Variants in CMTM8 observed in about 807,000 individuals in gnomAD.
CMTM8 encodes CKLF-like MARVEL transmembrane domain-containing protein 8.
Under a neutral mutation model 18.6 loss-of-function variants are expected in CMTM8, and 12 were observed. The observed-to-expected ratio is 0.65, with a 90% CI of 0.41 to 1.05. CMTM8 has a LOEUF of 1.05. Among genes scored for constraint, CMTM8 ranks in the 50% least tolerant of loss-of-function variants. CMTM8 has a pLI of 0.00. For missense variants in CMTM8, 217 were observed against 227.2 expected, an observed-to-expected ratio of 0.95 and a Z score of 0.29; for synonymous variants, 87 against 90.6, an observed-to-expected ratio of 0.96 and a Z score of 0.23.
chr3:32,313,981 G>A (rs569174595), intron 1 of CMTM8, among the ~76,000 whole-genome samples: 5 of 152,158 alleles, frequency 3.3e-5, no homozygotes, highest in Admixed American at 6.5e-5. Flanking sequence ...GTGACAGAGC[G>A]AGACCCTGTC....
chr3:32,298,825 A>G (rs536822585), intron 1 of CMTM8, among the ~76,000 whole-genome samples: 265 of 90,226 alleles, frequency 2.9e-3, no homozygotes, highest in African/African-American at 0.011. Context: ...ACACGTGTGT[A>G]TGTGTATATA....
At chr3:32,277,348 C>A (rs1702535622) in intron 1 of CMTM8, among the ~76,000 whole-genome samples, 1 of 152,098 alleles carries the variant, frequency 6.6e-6, no homozygotes, top group African/African-American at 2.4e-5. Flanking sequence ...GAGGTTTTGT[C>A]TGTCCATTTT....
chr3:32,268,246 A>G (rs1261741493), intron 1 of CMTM8, among the ~76,000 whole-genome samples: 4 of 152,338 alleles, frequency 2.6e-5, no homozygotes, highest in Admixed American at 6.5e-5. Context: ...CATATACACC[A>G]TGGAATACTA....
intron 1 of CMTM8, among the ~76,000 whole-genome samples, chr3:32,297,138 C>G (rs1702894409): frequency 6.6e-6 from 1 of 152,080 alleles, no homozygotes; most frequent in South Asian, 2.1e-4. Context: ...ATTTCCTCAC[C>G]TTGAATGTAC....
chr3:32,362,057 TGGAGATGGAGTCTTAC>T (rs1559390391), intron 2 of CMTM8, among the ~76,000 whole-genome samples: 7 of 148,978 alleles, frequency 4.7e-5, no homozygotes, highest in African/African-American at 4.9e-5. Flanking sequence ...TTTTTTTTTT[TGGAGATGGAGTCTTAC>T]TTTATTGCCC....
intron 1 of CMTM8, among the ~76,000 whole-genome samples, chr3:32,257,123 A>G (rs1702184235): frequency 1.3e-5 from 2 of 152,172 alleles, no homozygotes; most frequent in Non-Finnish European, 2.9e-5. Flanking sequence ...GATTACAGGC[A>G]TGGCCACTAT....
intron 1 of CMTM8, among the ~76,000 whole-genome samples, chr3:32,336,040 G>A (rs939176117): frequency 7.9e-5 from 12 of 152,208 alleles, no homozygotes; most frequent in South Asian, 2.1e-4. Context: ...TCTCACACCC[G>A]CCAGCACTGG....
chr3:32,270,922 C>T (rs1255587828), intron 1 of CMTM8, among the ~76,000 whole-genome samples: 1 of 152,070 alleles, frequency 6.6e-6, no homozygotes, highest in Admixed American at 6.6e-5. Context: ...TCCTTAAATG[C>T]TCTCTTAGAC....
intron 1 of CMTM8, among the ~76,000 whole-genome samples, chr3:32,353,190 T>C (rs1696747978): frequency 6.6e-6 from 1 of 152,124 alleles, no homozygotes; most frequent in South Asian, 2.1e-4. Flanking sequence ...GATGGGGTTT[T>C]ACCATGTTAG....
intron 2 of CMTM8, among the ~76,000 whole-genome samples, chr3:32,361,291 T>TTTTTTGTTTTTTTTTTTGTTTG (rs1314833356): frequency 6.7e-6 from 1 of 148,538 alleles, no homozygotes; most frequent in African/African-American, 2.5e-5. Flanking sequence ...TAAGAGTTTT[T>TTTTTTGTTTTTTTTTTTGTTTG]TTTTCTTTCA....
At chr3:32,255,575 GTAAT>G (rs1373179215) in intron 1 of CMTM8, among the ~76,000 whole-genome samples, 3 of 152,080 alleles carry the variant, frequency 2.0e-5, no homozygotes, top group Non-Finnish European at 2.9e-5. Flanking sequence ...ACCTTTTTGA[GTAAT>G]TATTTTAGAA....
rs1374639403 is a variant in CMTM8, at chr3:32,362,054, T to TTTTTTTTTTTTG, written c.321+4511_321+4512insTTTTTTTTGTTT. Among the ~76,000 whole-genome samples the TTTTTTTTTTTTG allele has an allele frequency of 4.1e-5, 6 of 147,108 alleles. No individual in the cohort carries two copies. In the Admixed American group the frequency reaches 4.1e-4, roughly 10 times the overall value. ...AGCTACTATTTTCTTTTCTTTTTTT[T>TTTTTTTTTTTTG]TTTGGAGATGGAGTCTTACTTTATT... On this transcript the variant is annotated intron_variant, in intron 2 of 3. Coordinates refer to ENST00000307526, the MANE Select transcript of CMTM8 (RefSeq NM_178868.5).
At chr3:32,365,351 G>T (rs1697012879) in intron 2 of CMTM8, among the ~76,000 whole-genome samples, 1 of 151,750 alleles carries the variant, frequency 6.6e-6, no homozygotes, top group African/African-American at 2.4e-5. Flanking sequence ...AGGAGGGATT[G>T]ACTTTCAGAA....
chr3:32,346,699 C>G (rs1009777537), intron 1 of CMTM8, among the ~76,000 whole-genome samples: 1 of 152,130 alleles, frequency 6.6e-6, no homozygotes, highest in African/African-American at 2.4e-5. Flanking sequence ...AAAGGCCCTA[C>G]GTCCTGATAC....
rs1400148634 is a variant in CMTM8, at chr3:32,295,455, C to CAAAAAAAAAAA, written c.147+56349_147+56359dup. Among the ~76,000 whole-genome samples the CAAAAAAAAAAA allele has an allele frequency of 3.3e-4, 9 of 27,520 alleles. 1 individual carries two copies. The highest frequency in any genetic ancestry group is 9.4e-4 in the African/African-American group (7 of 7,480). The allele number at this position is 27,520 out of a possible 152,430, so 18.1% of individuals were successfully genotyped here. A position where few individuals can be genotyped will look rare whatever the true frequency, so the allele number is the denominator to read the frequency against. The stretch of plus-strand genomic sequence containing the variant: ...TGGGCAATAAAGCGAGACTCCATCT[C>CAAAAAAAAAAA]AAAAAAAAAAAAAAAAAAAAAAACA... On this transcript the variant is annotated intron_variant, in intron 1 of 3. Coordinates refer to ENST00000307526, the MANE Select transcript of CMTM8 (RefSeq NM_178868.5).
At chr3:32,309,464 C>T (rs1381685815) in intron 1 of CMTM8, among the ~76,000 whole-genome samples, 3 of 151,844 alleles carry the variant, frequency 2.0e-5, no homozygotes, top group Admixed American at 6.6e-5. Context: ...TGCACCACCA[C>T]GCCCGGCTAA....
chr3:32,270,698 C>A (rs546859171), intron 1 of CMTM8, among the ~76,000 whole-genome samples: 1 of 152,014 alleles, frequency 6.6e-6, no homozygotes, highest in East Asian at 1.9e-4. Context: ...GGAAGGGGAA[C>A]GTCACAACCC....
intron 3 of CMTM8, among the ~76,000 whole-genome samples, chr3:32,369,466 C>T (rs917798282): frequency 1.3e-5 from 2 of 152,174 alleles, no homozygotes; most frequent in East Asian, 3.8e-4. Context: ...GCATTTTCCT[C>T]CTCCCTGTTC....
chr3:32,326,515 C>CTTTTTTT (rs58555396), intron 1 of CMTM8, among the ~76,000 whole-genome samples: 18 of 113,364 alleles, frequency 1.6e-4, no homozygotes, highest in Non-Finnish European at 2.5e-4. Context: ...TTCTTTCTTT[C>CTTTTTTT]TTTTTTTTTT....
Sources: gnomAD v4.1 joint callset for allele counts (sites outside exome capture counted in the v4.1 genomes callset) on GRCh38, gnomAD v4.1.1 for gene constraint, MANE v1.5 for transcripts, NCBI Gene and HGNC (gene_info 2026-07-23, HGNC 2026-07-21) for gene names.